AIG1: variants seen among roughly 807,000 people sequenced by gnomAD.
AIG1 encodes the protein androgen-induced gene 1 protein.
Under a neutral mutation model 31.4 loss-of-function variants are expected in AIG1, and 23 were observed. That is an observed-to-expected ratio of 0.73 (90% confidence interval 0.53 to 1.04). The LOEUF is 1.04. AIG1 is among the 50% of genes least tolerant of loss of function. The pLI is 0.00. For synonymous variants in AIG1, 100 were observed against 110.5 expected, an observed-to-expected ratio of 0.90 and a Z score of 0.60; for missense variants, 274 against 295.0, an observed-to-expected ratio of 0.93 and a Z score of 0.52.
chr6:143,290,428 C>G (rs575103621), intron 4 of AIG1, among the ~76,000 whole-genome samples: 171 of 152,354 alleles, frequency 1.1e-3, no homozygotes, highest in African/African-American at 3.9e-3. Context: ...CCTGCCAGCA[C>G]TTGGCAGGGG....
chr6:143,184,853 T>C (rs571233670), intron 3 of AIG1, among the ~76,000 whole-genome samples: 2 of 152,206 alleles, frequency 1.3e-5, no homozygotes, highest in South Asian at 4.1e-4. Context: ...TGTGGAAAGA[T>C]GGTCAGCTAA....
chr6:143,184,627 T>C (rs980746536), intron 3 of AIG1, among the ~76,000 whole-genome samples: 1 of 152,204 alleles, frequency 6.6e-6, no homozygotes, highest in Admixed American at 6.5e-5. Context: ...AGCTTCCTCA[T>C]GTCCACCATG....
intron 2 of AIG1, among the ~76,000 whole-genome samples, chr6:143,161,048 A>G (rs942031598): frequency 2.0e-5 from 3 of 152,206 alleles, no homozygotes; most frequent in Admixed American, 1.3e-4. Flanking sequence ...ATATTTAACA[A>G]TGGGCTCTCT....
intron 3 of AIG1, among the ~76,000 whole-genome samples, chr6:143,168,461 C>T (rs562190878): frequency 4.0e-5 from 6 of 148,552 alleles, no homozygotes; most frequent in Non-Finnish European, 5.9e-5. Flanking sequence ...CCTGTGTCCA[C>T]GTGTTCTCAT....
intron 2 of AIG1, among the ~76,000 whole-genome samples, chr6:143,156,367 T>A (rs1785757514): frequency 1.3e-5 from 2 of 152,174 alleles, no homozygotes; most frequent in Admixed American, 6.5e-5. Flanking sequence ...TCAGAAGAAT[T>A]GCAGAAGACT....
intron 1 of AIG1, among the ~76,000 whole-genome samples, chr6:143,135,439 A>G (rs1783647044): frequency 6.6e-6 from 1 of 152,308 alleles, no homozygotes; most frequent in East Asian, 1.9e-4. Context: ...AGTTATTTCT[A>G]GTTATCAAAA....
intron 1 of AIG1, among the ~76,000 whole-genome samples, chr6:143,109,298 C>T (rs944645791): frequency 6.6e-6 from 1 of 151,986 alleles, no homozygotes; most frequent in East Asian, 1.9e-4. Context: ...GTGTTGTTTC[C>T]AACTTTCAGC....
intron 3 of AIG1, among the ~76,000 whole-genome samples, chr6:143,210,961 T>C (rs1791540357): frequency 6.6e-6 from 1 of 152,222 alleles, no homozygotes; most frequent in South Asian, 2.1e-4. Flanking sequence ...ATGAAGTTTT[T>C]TCCTCCTAAT....
intron 1 of AIG1, among the ~76,000 whole-genome samples, chr6:143,116,702 T>C (rs1019931089): frequency 8.0e-5 from 12 of 149,412 alleles, no homozygotes; most frequent in Non-Finnish European, 1.2e-4. Flanking sequence ...TGGGGTTTTA[T>C]TGGGGAACTT....
At chr6:143,092,009 A>G (rs980640943) in intron 1 of AIG1, among the ~76,000 whole-genome samples, 1 of 152,206 alleles carries the variant, frequency 6.6e-6, no homozygotes, top group Admixed American at 6.5e-5. Flanking sequence ...TACCTAAAAA[A>G]AAATGGTGAA....
At chr6:143,144,730 C>T (rs191281370) in intron 2 of AIG1, among the ~76,000 whole-genome samples, 27 of 152,308 alleles carry the variant, frequency 1.8e-4, no homozygotes, top group African/African-American at 5.3e-4. Flanking sequence ...ATTCTCTGTT[C>T]CCTTACCTTG....
chr6:143,299,305 A>G lies in AIG1; in HGVS notation c.515+15080A>G, dbSNP rs1477513004. 1 of 152,232 alleles carries G rather than the reference A, an allele frequency of 6.6e-6. No individual in the cohort carries two copies. Among genetic ancestry groups the G allele is most frequent in the African/African-American group, 2.4e-5 (1 of 41,450 alleles). 9.4% of individuals were successfully genotyped at this position (152,232 alleles called of 1,614,324 possible). A position where few individuals can be genotyped will look rare whatever the true frequency, so the allele number is the denominator to read the frequency against. On this transcript the variant is annotated intron_variant, in intron 4 of 5. Transcript: ENST00000357847. The surrounding 1 kb of genome is among the most constrained non-coding windows in gnomAD (Gnocchi z 4.1). Reference sequence around the variant, plus strand: ...TCTCTTCTTCTCACAGTCCTTAGGAATACTCTTCCAAGTCTCAGCTAGCAG... The same window carrying G: ...TCTCTTCTTCTCACAGTCCTTAGGAGTACTCTTCCAAGTCTCAGCTAGCAG...
At chr6:143,170,106 T>A (rs1002603967) in intron 3 of AIG1, among the ~76,000 whole-genome samples, 1 of 152,158 alleles carries the variant, frequency 6.6e-6, no homozygotes, top group Non-Finnish European at 1.5e-5. Context: ...CATCATAGAA[T>A]GAGTTAGGAA....
intron 4 of AIG1, among the ~76,000 whole-genome samples, chr6:143,332,061 G>A (rs1366987828): frequency 6.6e-6 from 1 of 151,820 alleles, no homozygotes; most frequent in Non-Finnish European, 1.5e-5. Context: ...TAATAGAGAT[G>A]GGGTTTCGCC....
At chr6:143,127,922 A>G (rs1583264221) in intron 1 of AIG1, among the ~76,000 whole-genome samples, 1 of 152,170 alleles carries the variant, frequency 6.6e-6, no homozygotes, top group Non-Finnish European at 1.5e-5. Context: ...TCCTGACCTC[A>G]AGTGATCCAC....
At chr6:143,324,798 G>C (rs2128718070) in intron 4 of AIG1, among the ~76,000 whole-genome samples, 1 of 152,338 alleles carries the variant, frequency 6.6e-6, no homozygotes, top group Non-Finnish European at 1.5e-5. Context: ...GTGAATGATA[G>C]AGCAAGTTTT....
At chr6:143,314,505 CA>C (rs1775571059) in intron 4 of AIG1, among the ~76,000 whole-genome samples, 1 of 152,100 alleles carries the variant, frequency 6.6e-6, no homozygotes, top group South Asian at 2.1e-4. Context: ...ATGCAGAAAT[CA>C]ATTGCTTTCC....
At chr6:143,234,037 G>A (rs906053461) in intron 3 of AIG1, among the ~76,000 whole-genome samples, 3 of 152,268 alleles carry the variant, frequency 2.0e-5, no homozygotes, top group African/African-American at 4.8e-5. Context: ...AGCCAGCTCC[G>A]TTGCCTCTCT....
At chr6:143,342,593 C>A, downstream of AIG1, 1 of 1,042,308 alleles carries the variant, frequency 9.6e-7, no homozygotes, top group Non-Finnish European at 1.5e-6. Flanking sequence ...TTTGGATCAG[C>A]TGCTATTTGG....
Sources: allele counts gnomAD v4.1 joint callset (sites outside exome capture counted in the v4.1 genomes callset), GRCh38; gene constraint gnomAD v4.1.1; non-coding constraint Gnocchi (gnomAD v3.1); transcripts MANE v1.5; gene names NCBI Gene and HGNC (gene_info 2026-07-23, HGNC 2026-07-21).